Variants in CEP15 observed in about 807,000 individuals in gnomAD.
CEP15 encodes centrosomal protein 15.
the CEP15 span, chr3:62,333,267 G>T: frequency 1.9e-6 from 3 of 1,609,126 alleles, no homozygotes; most frequent in Non-Finnish European, 2.5e-6. This position sits in a 1 kb window ranked among gnomAD's most constrained non-coding sequence, Gnocchi z 4.0. Flanking sequence ...TCGTTACTGG[G>T]CATCAGTAGA....
chr3:62,319,743 G>A, the CEP15 span: 2 of 152,176 alleles, frequency 1.3e-5, no homozygotes, highest in Non-Finnish European at 1.5e-5. Context: ...AACCTTTTAA[G>A]CCCAACCAGA....
At chr3:62,324,067 A>G in the CEP15 span, 12 of 152,104 alleles carry the variant, frequency 7.9e-5, no homozygotes, top group Admixed American at 2.0e-4. Flanking sequence ...TGGCTCTACC[A>G]TAGAAGTCAT....
chr3:62,331,514 A>T, the CEP15 span: 2 of 899,234 alleles, frequency 2.2e-6, no homozygotes, highest in Non-Finnish European at 3.5e-6. Flanking sequence ...TCAGTAAATT[A>T]AAGAAGATAT....
the CEP15 span, among the ~76,000 whole-genome samples, chr3:62,328,236 C>G: frequency 6.6e-6 from 1 of 152,192 alleles, no homozygotes; most frequent in African/African-American, 2.4e-5. Flanking sequence ...AAATTAAAAT[C>G]GCTGATCTTA....
chr3:62,327,882 A>G, the CEP15 span, among the ~76,000 whole-genome samples: 1 of 152,072 alleles, frequency 6.6e-6, no homozygotes, highest in African/African-American at 2.4e-5. Context: ...GATCCCTTGC[A>G]ATTTTTGTTC....
At chr3:62,329,770 C>T in the CEP15 span, among the ~76,000 whole-genome samples, 190 of 152,304 alleles carry the variant, frequency 1.2e-3, no homozygotes, top group Middle Eastern at 3.4e-3. Flanking sequence ...ATATTGTCTA[C>T]AATGCTAAGT....
the CEP15 span, chr3:62,334,267 T>C: frequency 6.6e-6 from 1 of 151,568 alleles, no homozygotes; most frequent in African/African-American, 2.4e-5. This position sits in a 1 kb window ranked among gnomAD's most constrained non-coding sequence, Gnocchi z 4.9. Flanking sequence ...AATATGTATA[T>C]ATAACTTTCC....
At chr3:62,327,826 T>G in the CEP15 span, among the ~76,000 whole-genome samples, 9 of 152,248 alleles carry the variant, frequency 5.9e-5, 1 homozygote, top group South Asian at 1.9e-3. Context: ...TGGTGACGAA[T>G]GAGGTGGTAT....
chr3:62,329,804 A>G, the CEP15 span, among the ~76,000 whole-genome samples: 1 of 152,224 alleles, frequency 6.6e-6, no homozygotes, highest in Non-Finnish European at 1.5e-5. Context: ...GCCACTAACA[A>G]TAATCTTATA....
chr3:62,331,413 G>T, the CEP15 span: 1 of 1,609,150 alleles, frequency 6.2e-7, no homozygotes, highest in Admixed American at 1.7e-5. Flanking sequence ...AGCATCTTAA[G>T]GAACAAATGT....
the CEP15 span, chr3:62,331,353 A>T: frequency 1.9e-6 from 3 of 1,613,020 alleles, no homozygotes; most frequent in Non-Finnish European, 2.5e-6. Context: ...AAGTCACTAC[A>T]GACCAGGATT....
chr3:62,320,504 T>G, the CEP15 span: 1 of 1,612,166 alleles, frequency 6.2e-7, no homozygotes. Flanking sequence ...AAATTCGCCT[T>G]TCTAAAAGAC....
At chr3:62,329,510 G>C in the CEP15 span, among the ~76,000 whole-genome samples, 1 of 152,092 alleles carries the variant, frequency 6.6e-6, no homozygotes, top group Non-Finnish European at 1.5e-5. Flanking sequence ...GAGGAAGAAA[G>C]GTAGTAATCA....
the CEP15 span, among the ~76,000 whole-genome samples, chr3:62,330,968 TATC>T: frequency 6.1e-4 from 93 of 152,182 alleles, no homozygotes; most frequent in African/African-American, 2.0e-3. Context: ...TTTATTATTT[TATC>T]ATCTTTCTGG....
the CEP15 span, among the ~76,000 whole-genome samples, chr3:62,329,764 T>C: frequency 6.6e-6 from 1 of 152,216 alleles, no homozygotes; most frequent in South Asian, 2.1e-4. Context: ...CTTATAATAT[T>C]GTCTACAATG....
At chr3:62,328,798 C>T in the CEP15 span, among the ~76,000 whole-genome samples, 6 of 150,744 alleles carry the variant, frequency 4.0e-5, no homozygotes, top group Admixed American at 1.3e-4. Context: ...TTGTATGGGA[C>T]GCAGTCCTTA....
chr3:62,328,230 T>A, the CEP15 span, among the ~76,000 whole-genome samples: 3 of 152,346 alleles, frequency 2.0e-5, no homozygotes, highest in East Asian at 5.8e-4. Flanking sequence ...AGATTTAAAT[T>A]AAAATCGCTG....
chr3:62,319,518 T>C, the CEP15 span: 1 of 152,258 alleles, frequency 6.6e-6, no homozygotes, highest in Non-Finnish European at 1.5e-5. Flanking sequence ...GGAAACCTAA[T>C]GAGGGCAGGG....
chr3:62,332,924 G>T, the CEP15 span, among the ~76,000 whole-genome samples: 2 of 151,990 alleles, frequency 1.3e-5, no homozygotes, highest in African/African-American at 2.4e-5. Context: ...AACATTTAAT[G>T]ATTATATCAC....
Sources: gnomAD v4.1 joint callset for allele counts (sites outside exome capture counted in the v4.1 genomes callset) on GRCh38, gnomAD v4.1.1 for gene constraint, Gnocchi (gnomAD v3.1) non-coding constraint, MANE v1.5 for transcripts, NCBI Gene and HGNC (gene_info 2026-07-23, HGNC 2026-07-21) for gene names.